HAUS3: variants seen among roughly 807,000 people sequenced by gnomAD.
The protein encoded by HAUS3 is HAUS augmin like complex subunit 3.
HAUS3 carries 36 observed loss-of-function variants against 55.2 expected under a neutral mutation model. That is an observed-to-expected ratio of 0.65 (90% CI 0.50 to 0.86). The LOEUF (loss-of-function observed/expected upper bound fraction) is 0.86. Among genes scored for constraint, HAUS3 ranks in the 40% least tolerant of loss-of-function variants. The pLI, the probability that HAUS3 is intolerant of heterozygous loss-of-function variation, is 0.00. For missense variants in HAUS3, 752 were observed against 671.5 expected (o/e 1.12, Z -1.33); for synonymous variants, 234 against 238.6 (o/e 0.98, Z 0.18).
At position 2,228,402 on chromosome 4, in the gene HAUS3, G is replaced by A; in HGVS notation, c.*3525C>T. 3.7e-6 allele frequency: 1 copy of A among 268,640 alleles called. No homozygotes were observed. Among genetic ancestry groups the A allele is most frequent in the Non-Finnish European group, 7.2e-6 (1 of 138,596 alleles). 16.6% of individuals were successfully genotyped at this position (268,640 alleles called of 1,614,324 possible). A position where few individuals can be genotyped will look rare whatever the true frequency, so the allele number is the denominator to read the frequency against. On this transcript the variant is annotated 3_prime_UTR_variant, in exon 6 of 6. Coordinates refer to ENST00000443786, the MANE Select transcript of HAUS3 (RefSeq NM_001303143.2). ...GTCTCACTCTGTCGCCCACGCTGGAGACCTCAGCTCACTGCAAGCCCCGCC... is the reference window on the plus strand; with the variant it reads ...GTCTCACTCTGTCGCCCACGCTGGAAACCTCAGCTCACTGCAAGCCCCGCC...
chr4:2,240,640 C>A lies in HAUS3; in HGVS notation c.307G>T (p.Glu103Ter), dbSNP rs1302762214. Residue 103 changes from glutamate (E) to a stop codon, truncating the protein, a stop_gained, in exon 3 of 6, where the codon GAG becomes TAG. Transcript: ENST00000443786. LOFTEE classifies it high-confidence loss of function. The stretch of plus-strand genomic sequence containing the variant: ...TTCAGTAGAGTTTGAACCTCATCCT[C>A]TAATTTCTCCAGCTCTTTATCATCC... Reference protein sequence around the residue: ...RLDDKELEKLEDEVQTLLKLK... With the variant: ...RLDDKELEKL 3 of 1,613,700 alleles carry A rather than the reference C, an allele frequency of 1.9e-6. No individual in the cohort carries two copies. Among genetic ancestry groups the A allele is most frequent in the African/African-American group, 2.7e-5 (2 of 74,974 alleles).
rs980134116 is a variant in HAUS3, at chr4:2,240,130, G to A, written c.817C>T (p.Gln273Ter). The change falls in exon 3 of 6, where the codon CAA becomes TAA. Residue 273 changes from glutamine to a stop codon, truncating the protein, a stop_gained. Coordinates refer to ENST00000443786, the MANE Select transcript of HAUS3 (RefSeq NM_001303143.2). LOFTEE classifies it high-confidence loss of function. The stretch of plus-strand genomic sequence containing the variant: ...GCTTTTAAGTGAATTAACTGATGTT[G>A]AGCACAAATGTATGCGAGCTGCAGT... ...ARLQLAYICA[Q>*]HQLIHLKASN... is the part of the protein sequence containing the mutation. The A allele has an allele frequency of 1.2e-6, 2 of 1,613,742 alleles. No individual in the cohort carries two copies. The highest frequency in any genetic ancestry group is 1.1e-5 in the South Asian group (1 of 91,038).
rs61792605 is a variant in HAUS3 at position 2,228,539 on chromosome 4, G to C, written c.*3388C>G. 4.8e-5 allele frequency: 9 copies of C among 186,092 alleles called. No individual in the cohort carries two copies. The highest frequency in any genetic ancestry group is 9.2e-5 in the Non-Finnish European group (8 of 86,810). The allele number at this position is 186,092 out of a possible 1,614,324, so 11.5% of individuals were successfully genotyped here. ...TTTTTAGTAGAGACAGTGTTTTACC[G>C]TGTTAGCCAGGATGGTCTCGATCTC... is the stretch of plus-strand genomic sequence containing the variant. On this transcript the variant is annotated 3_prime_UTR_variant, in exon 6 of 6. Transcript: ENST00000443786.
chr4:2,232,119 AT>A lies in HAUS3; in HGVS notation c.1619del (p.Asn540IlefsTer3). On this transcript the variant is annotated frameshift_variant, in exon 6 of 6. Coordinates refer to ENST00000443786, the MANE Select transcript of HAUS3 (RefSeq NM_001303143.2). LOFTEE classifies it high-confidence loss of function. The part of the protein sequence containing the change: ...EQFHKVESQL[N>X]KLNHLLTDIL... ...TATCAGTGAGGAGATGATTTAGCTTATTCAGTTGAGATTCAACTTTATGAAA... is the reference window on the plus strand; with the variant it reads ...TATCAGTGAGGAGATGATTTAGCTTATCAGTTGAGATTCAACTTTATGAAA... 5 of 1,589,286 alleles carry A rather than the reference AT, an allele frequency of 3.1e-6. No individual in the cohort carries two copies. The highest frequency in any genetic ancestry group is 4.3e-6 in the Non-Finnish European group (5 of 1,171,616).
intron 3 of HAUS3, among the ~76,000 whole-genome samples, chr4:2,239,778 C>T (rs1734903552): frequency 6.6e-6 from 1 of 152,084 alleles, no homozygotes; most frequent in Admixed American, 6.5e-5. Context: ...ATTTAAAATT[C>T]GGAATGCAAA....
chr4:2,236,518 A>G (rs574985921), intron 4 of HAUS3, 62 bp from the exon 5 acceptor site: 1 of 1,186,170 alleles, frequency 8.4e-7, no homozygotes. Flanking sequence ...TTTCAAAATT[A>G]CAATCCACTG....
At chr4:2,237,235 A>T (rs1734797190) in intron 4 of HAUS3, among the ~76,000 whole-genome samples, 1 of 151,792 alleles carries the variant, frequency 6.6e-6, no homozygotes, top group African/African-American at 2.4e-5. Flanking sequence ...GTTCAAGACC[A>T]GACTTGGCAA....
rs199783455 is a variant in HAUS3 at position 2,238,584 on chromosome 4, A to G, written c.1349+20T>C. ...AAACAAAAGGAAATATTTACTAAAG[A>G]AACAATGAAGCATACGTACCTATGA... is the stretch of plus-strand genomic sequence containing the variant. On this transcript the variant is annotated intron_variant, in intron 4 of 5. Coordinates refer to ENST00000443786, the MANE Select transcript of HAUS3 (RefSeq NM_001303143.2). 1.1e-4 allele frequency: 162 copies of G among 1,432,286 alleles called. No homozygotes were observed. Among genetic ancestry groups the G allele is most frequent in the Non-Finnish European group, 3.7e-5 (40 of 1,067,320 alleles). The allele number at this position is 1,432,286 out of a possible 1,614,324, so 88.7% of individuals were successfully genotyped here. A position where few individuals can be genotyped will look rare whatever the true frequency, so the allele number is the denominator to read the frequency against.
Position 2,231,987 on chromosome 4 carries a change from T to C in HAUS3, c.1752A>G (p.Lys584=), listed in dbSNP as rs373980177. Residue 584 remains lysine (K), a synonymous_variant, in exon 6 of 6, where the codon AAA becomes AAG. Coordinates refer to ENST00000443786, the MANE Select transcript of HAUS3 (RefSeq NM_001303143.2). ...GAGTTTCTAAATTCTCCACAATATC[T>C]TTCAGATAATCTTCATCTTTTAAAA... ...VYFLKDEDYL[K]DIVENLETQS... 24 of 1,495,026 alleles carry C rather than the reference T, an allele frequency of 1.6e-5. No individual in the cohort carries two copies. The highest frequency in any genetic ancestry group is 2.1e-5 in the Non-Finnish European group (23 of 1,079,430). 92.6% of individuals were successfully genotyped at this position (1,495,026 alleles called of 1,614,324 possible).
Position 2,231,114 on chromosome 4 carries a change from AG to A in HAUS3, c.*812del, listed in dbSNP as rs1192848197. ...CTCTAAAATGAATGCAGGCAGGCCA[AG>A]GAAGTCCTAATACTCTGTGGTACAA... On this transcript the variant is annotated 3_prime_UTR_variant, in exon 6 of 6. Transcript: ENST00000443786. 15 of 152,262 alleles carry A rather than the reference AG, an allele frequency of 9.9e-5. No individual in the cohort carries two copies. In the South Asian group the frequency reaches 1.4e-3, roughly 15 times the overall value. The allele number at this position is 152,262 out of a possible 1,614,324, so 9.4% of individuals were successfully genotyped here.
rs571906183 is a variant in HAUS3, at chr4:2,229,881, CACA to C, written c.*2043_*2045del. The C allele has an allele frequency of 2.2e-4, 33 of 152,168 alleles. No individual in the cohort carries two copies. Among genetic ancestry groups the C allele is most frequent in the African/African-American group, 7.2e-4 (30 of 41,530 alleles). The allele number at this position is 152,168 out of a possible 1,614,324, so 9.4% of individuals were successfully genotyped here. On this transcript the variant is annotated 3_prime_UTR_variant, in exon 6 of 6. Coordinates refer to ENST00000443786, the MANE Select transcript of HAUS3 (RefSeq NM_001303143.2). ...ATCTTCAAATAAACCTACCTAGTAA[CACA>C]ACGATTATAAGTAACTTGGGTAATT...
In HAUS3 at chr4:2,240,769, C is replaced by T. The variant is rs748146075; in HGVS notation, c.178G>A (p.Ala60Thr). ...CCTGATTTCTGAAGAATGCTAAAAG[C>T]TTCCAATTCTCTTTCAGACAACACG... ...QNVLSERELE[A>T]FSILQKSGKP... Residue 60 changes from alanine (A) to threonine (T), a missense_variant, in exon 3 of 6, where the codon GCT (alanine) becomes ACT (threonine). By Grantham distance (58) the Ala-to-Thr change is moderately conservative (BLOSUM62 0). Coordinates refer to ENST00000443786, the MANE Select transcript of HAUS3 (RefSeq NM_001303143.2). 2 of 1,613,820 alleles carry T rather than the reference C, an allele frequency of 1.2e-6. No homozygotes were observed. Among genetic ancestry groups the T allele is most frequent in the East Asian group, 2.2e-5 (1 of 44,880 alleles).
intron 4 of HAUS3, among the ~76,000 whole-genome samples, chr4:2,237,603 T>G (rs1734812416): frequency 1.3e-5 from 2 of 152,198 alleles, no homozygotes. Context: ...CTGAGTTTTC[T>G]GTTATGTGAA....
chr4:2,229,244 C>T lies in HAUS3; in HGVS notation c.*2683G>A, dbSNP rs771000555. The T allele has an allele frequency of 1.3e-6, 2 of 1,584,590 alleles. No individual in the cohort carries two copies. Among genetic ancestry groups the T allele is most frequent in the Non-Finnish European group, 8.6e-7 (1 of 1,164,122 alleles). On this transcript the variant is annotated 3_prime_UTR_variant, in exon 6 of 6. Coordinates refer to ENST00000443786, the MANE Select transcript of HAUS3 (RefSeq NM_001303143.2). ...CATAATTTTCCATTTTCACAAAATC[C>T]TAAATGTAAGATTAACATAAGATAA...
Position 2,240,328 on chromosome 4 carries a change from C to G in HAUS3, c.619G>C (p.Glu207Gln). Reference protein sequence around the residue: ...QFSLEKYLSQEEQSTAALTLY... With the variant: ...QFSLEKYLSQQEQSTAALTLY... The stretch of plus-strand genomic sequence containing the variant: ...GTTAATGCTGCTGTGCTTTGCTCTT[C>G]CTGACTTAGGTATTTTTCCAAGGAA... The change falls in exon 3 of 6, where the codon GAA (glutamate) becomes CAA (glutamine). Residue 207 changes from glutamate (E) to glutamine (Q), a missense_variant. Transcript: ENST00000443786. 1.9e-6 allele frequency: 3 copies of G among 1,604,174 alleles called. No homozygotes were observed. Among genetic ancestry groups the G allele is most frequent in the Non-Finnish European group, 2.6e-6 (3 of 1,174,054 alleles).
At position 2,240,157 on chromosome 4, in the gene HAUS3, T is replaced by C; in HGVS notation, c.790A>G (p.Arg264Gly). Residue 264 changes from arginine to glycine, a missense_variant, in exon 3 of 6, where the codon AGA (arginine) becomes GGA (glycine). Physicochemically the swap from Arg to Gly is moderately radical, Grantham distance 125. Transcript: ENST00000443786. ...GCACAAATGTATGCGAGCTGCAGTC[T>C]AGCCATCTCTAGTCGTCTCTCCTCA... is the stretch of plus-strand genomic sequence containing the variant. Reference protein sequence around the residue: ...ILEERRLEMARLQLAYICAQH... With the variant: ...ILEERRLEMAGLQLAYICAQH... 2 of 1,613,986 alleles carry C rather than the reference T, an allele frequency of 1.2e-6. No homozygotes were observed. The highest frequency in any genetic ancestry group is 1.7e-6 in the Non-Finnish European group (2 of 1,179,818).
intron 5 of HAUS3, among the ~76,000 whole-genome samples, chr4:2,233,544 A>G (rs1051026320): frequency 6.6e-6 from 1 of 152,164 alleles, no homozygotes; most frequent in Non-Finnish European, 1.5e-5. Flanking sequence ...TCTCATCAAC[A>G]TTCCTGATAC....
chr4:2,236,138 A>G, intron 5 of HAUS3, 90 bp downstream of exon 5: 1 of 705,868 alleles, frequency 1.4e-6, no homozygotes, highest in Non-Finnish European at 2.3e-6. Flanking sequence ...AATTGGGGTA[A>G]TATTTTCCTC....
In HAUS3 at chr4:2,238,970, A is replaced by G. The variant is rs760276566; in HGVS notation, c.983T>C (p.Val328Ala). Residue 328 changes from valine (V) to alanine (A), a missense_variant, in exon 4 of 6, where the codon GTC becomes GCC. Transcript: ENST00000443786. ...TSEIMKLEKE[V>A]TQIKDRSLPA... is the part of the protein sequence containing the mutation. ...TAAACTTCTGTCTTTTATTTGAGTG[A>G]CCTCTTTTTCAAGTTTCATAATCTC... The G allele has an allele frequency of 6.3e-7, 1 of 1,585,880 alleles. No homozygotes were observed. The highest frequency in any genetic ancestry group is 1.9e-5 in the Admixed American group (1 of 52,502).
Sources: allele counts gnomAD v4.1 joint callset (sites outside exome capture counted in the v4.1 genomes callset), GRCh38; gene constraint gnomAD v4.1.1; transcripts MANE v1.5; gene names NCBI Gene and HGNC (gene_info 2026-07-23, HGNC 2026-07-21).